Variants in AKAP19 observed in about 807,000 individuals in gnomAD.
AKAP19 encodes the protein small A-kinase anchoring protein.
chr2:190,090,504 G>A, the AKAP19 span, among the ~76,000 whole-genome samples: 9 of 152,170 alleles, frequency 5.9e-5, no homozygotes, highest in African/African-American at 2.2e-4. Context: ...CTTCCCAAGT[G>A]GATTGAGTCT....
chr2:190,150,509 G>C, the AKAP19 span: 1 of 152,244 alleles, frequency 6.6e-6, no homozygotes, highest in Non-Finnish European at 1.5e-5. Context: ...AGGTGTTTGG[G>C]AAAGGAGGGT....
chr2:190,008,355 C>G, the AKAP19 span, among the ~76,000 whole-genome samples: 2 of 152,050 alleles, frequency 1.3e-5, no homozygotes, highest in African/African-American at 2.4e-5. Context: ...AAAAGGACAA[C>G]TCTTATACCA....
the AKAP19 span, among the ~76,000 whole-genome samples, chr2:190,147,442 C>A: frequency 6.6e-6 from 1 of 151,902 alleles, no homozygotes; most frequent in African/African-American, 2.4e-5. Flanking sequence ...TGTGATGCCT[C>A]ATTTGTTCTT....
chr2:190,145,310 C>A, the AKAP19 span, among the ~76,000 whole-genome samples: 1 of 152,056 alleles, frequency 6.6e-6, no homozygotes, highest in African/African-American at 2.4e-5. Context: ...CTTCCTTTTT[C>A]TTTTTTGCAG....
the AKAP19 span, among the ~76,000 whole-genome samples, chr2:189,967,609 T>C: frequency 3.3e-5 from 5 of 152,166 alleles, no homozygotes; most frequent in African/African-American, 1.2e-4. Flanking sequence ...CTCACAGATA[T>C]ACTTCATTTA....
chr2:190,138,188 A>T, the AKAP19 span, among the ~76,000 whole-genome samples: 1 of 152,186 alleles, frequency 6.6e-6, no homozygotes, highest in South Asian at 2.1e-4. Flanking sequence ...TTGTGTAGTT[A>T]CTACTTTCAC....
the AKAP19 span, among the ~76,000 whole-genome samples, chr2:189,962,668 A>C: frequency 1.3e-5 from 2 of 152,186 alleles, no homozygotes; most frequent in African/African-American, 2.4e-5. Context: ...TGGGGGATAA[A>C]GGCTGACAAT....
At chr2:190,042,551 C>T in the AKAP19 span, among the ~76,000 whole-genome samples, 2 of 151,932 alleles carry the variant, frequency 1.3e-5, no homozygotes, top group African/African-American at 4.8e-5. Context: ...TCGTCTTCTG[C>T]TAGCTTTGGG....
At chr2:189,936,613 T>A in the AKAP19 span, among the ~76,000 whole-genome samples, 1 of 152,102 alleles carries the variant, frequency 6.6e-6, no homozygotes, top group African/African-American at 2.4e-5. Flanking sequence ...TTTCCTACAT[T>A]ATAGGATAAA....
At chr2:190,063,766 A>T in the AKAP19 span, among the ~76,000 whole-genome samples, 419 of 152,092 alleles carry the variant, frequency 2.8e-3, 1 homozygote, top group Middle Eastern at 0.01. Context: ...CCTGGCAGGG[A>T]TTTGGGGTAA....
the AKAP19 span, among the ~76,000 whole-genome samples, chr2:190,118,761 A>T: frequency 1.3e-5 from 2 of 152,342 alleles, no homozygotes; most frequent in East Asian, 3.9e-4. Context: ...AGCCAATATC[A>T]TACTGAATGG....
At chr2:190,052,507 G>C in the AKAP19 span, among the ~76,000 whole-genome samples, 1 of 152,134 alleles carries the variant, frequency 6.6e-6, no homozygotes, top group Non-Finnish European at 1.5e-5. Context: ...GGCTGGTTGA[G>C]AGGTAATGCC....
the AKAP19 span, among the ~76,000 whole-genome samples, chr2:189,934,499 G>C: frequency 6.6e-6 from 1 of 151,736 alleles, no homozygotes; most frequent in Non-Finnish European, 1.5e-5. Flanking sequence ...AACATTTTTT[G>C]TTGACTTTTA....
chr2:189,931,511 A>G, the AKAP19 span, among the ~76,000 whole-genome samples: 1 of 152,114 alleles, frequency 6.6e-6, no homozygotes, highest in Admixed American at 6.5e-5. Flanking sequence ...ACAGGTACAC[A>G]TCACCACACC....
At chr2:190,139,107 C>G in the AKAP19 span, among the ~76,000 whole-genome samples, 1 of 152,148 alleles carries the variant, frequency 6.6e-6, no homozygotes, top group African/African-American at 2.4e-5. Context: ...ATAAAGTCTT[C>G]TTTAAACAAG....
chr2:189,973,269 T>A, the AKAP19 span, among the ~76,000 whole-genome samples: 1 of 152,216 alleles, frequency 6.6e-6, no homozygotes, highest in Non-Finnish European at 1.5e-5. Context: ...TAGTTCTGTT[T>A]ATATGCTGGA....
the AKAP19 span, among the ~76,000 whole-genome samples, chr2:190,026,745 T>G: frequency 6.6e-6 from 1 of 152,174 alleles, no homozygotes; most frequent in African/African-American, 2.4e-5. Context: ...AATATAGAGA[T>G]GTGAGTATGT....
At chr2:189,951,823 T>C in the AKAP19 span, among the ~76,000 whole-genome samples, 3 of 152,222 alleles carry the variant, frequency 2.0e-5, no homozygotes, top group African/African-American at 7.2e-5. Context: ...CTGAAGGCAC[T>C]CGAGAAATAG....
chr2:190,107,676 T>G, the AKAP19 span, among the ~76,000 whole-genome samples: 1 of 152,162 alleles, frequency 6.6e-6, no homozygotes, highest in Non-Finnish European at 1.5e-5. Context: ...GGCGTGGGTA[T>G]CTCAAGAAAT....
Sources: gnomAD v4.1 joint callset for allele counts (sites outside exome capture counted in the v4.1 genomes callset) on GRCh38, gnomAD v4.1.1 for gene constraint, MANE v1.5 for transcripts, NCBI Gene and HGNC (gene_info 2026-07-23, HGNC 2026-07-21) for gene names.